PAM: variants seen among roughly 807,000 people sequenced by gnomAD.
PAM encodes the protein peptidylglycine alpha-amidating monooxygenase, also known as peptidyl-glycine alpha-amidating monooxygenase.
In PAM, 72 loss-of-function variants were observed where a neutral mutation model predicts 122.1. The ratio of observed to expected loss-of-function variants is 0.59; its 90% CI spans 0.49 to 0.72. PAM has a LOEUF of 0.72. Ranked by LOEUF, PAM falls within the 30% of genes least tolerant of loss-of-function variation. PAM has a pLI of 0.00. For missense variants in PAM, 1,106 were observed against 1,183.7 expected (o/e 0.93, Z 0.96); for synonymous variants, 389 against 404.4 (o/e 0.96, Z 0.46).
intron 3 of PAM, among the ~76,000 whole-genome samples, chr5:102,897,553 A>C (rs1407042403): frequency 6.6e-6 from 1 of 151,662 alleles, no homozygotes; most frequent in Non-Finnish European, 1.5e-5. Context: ...TGACTTAGAA[A>C]AGTTACCAGA....
intron 1 of PAM, among the ~76,000 whole-genome samples, chr5:102,847,491 T>A (rs1780242762): frequency 6.6e-6 from 1 of 152,292 alleles, no homozygotes; most frequent in Non-Finnish European, 1.5e-5. Context: ...TGAGTGGGCA[T>A]GGTTTCACTG....
chr5:102,915,738 A>G (rs893607027), intron 5 of PAM, among the ~76,000 whole-genome samples: 12 of 152,284 alleles, frequency 7.9e-5, no homozygotes, highest in Admixed American at 5.2e-4. Context: ...CCTTGGTTTA[A>G]GGGAATGAGT....
rs754559996 is a variant in PAM, at chr5:102,942,736, A to ATTTTTTTTT, written c.527-4094_527-4086dup. The stretch of plus-strand genomic sequence containing the variant: ...AGTCACACGCCAGCATGCCCGGCTA[A>ATTTTTTTTT]TTTTTTTTTTTTTTTGTAGAAATGC... On this transcript the variant is annotated intron_variant, in intron 7 of 25. Coordinates refer to ENST00000438793, the MANE Select transcript of PAM (RefSeq NM_001177306.2). 2.4e-4 allele frequency among the ~76,000 whole-genome samples: 33 copies of ATTTTTTTTT among 138,454 alleles called. 1 individual carries two copies. Among genetic ancestry groups the ATTTTTTTTT allele is most frequent in the East Asian group, 6.4e-4 (3 of 4,678 alleles). 90.8% of individuals were successfully genotyped at this position (138,454 alleles called of 152,430 possible). A position where few individuals can be genotyped will look rare whatever the true frequency, so the allele number is the denominator to read the frequency against.
chr5:102,823,373 T>A (rs968488559), intron 1 of PAM, among the ~76,000 whole-genome samples: 2 of 152,096 alleles, frequency 1.3e-5, no homozygotes. Flanking sequence ...TTTAAAAAAA[T>A]AAGTAAAAAT....
chr5:102,866,948 GAT>G (rs745955091), intron 2 of PAM, among the ~76,000 whole-genome samples: 7 of 152,026 alleles, frequency 4.6e-5, no homozygotes, highest in Non-Finnish European at 7.4e-5. Context: ...ACTTGAAACA[GAT>G]ATATGTTTTG....
At chr5:102,855,236 A>G (rs1410023432) in intron 1 of PAM, among the ~76,000 whole-genome samples, 5 of 152,180 alleles carry the variant, frequency 3.3e-5, no homozygotes, top group Non-Finnish European at 5.9e-5. Context: ...ACATTCTTTG[A>G]TGATCTTTAA....
At chr5:102,831,367 G>T (rs1186865714) in intron 1 of PAM, among the ~76,000 whole-genome samples, 1 of 151,848 alleles carries the variant, frequency 6.6e-6, no homozygotes, top group Non-Finnish European at 1.5e-5. Context: ...AAAGATGTGT[G>T]AAAGAGAAAT....
rs1751681133 is a variant in PAM at position 102,759,469 on chromosome 5, T to G, written c.-374+4121T>G. ...AATCCAAGCTGTCTAAAGGGAAAAG[T>G]AGATACTCATTTCAGCCAAGTATTG... On this transcript the variant is annotated intron_variant, in intron 1 of 25. Coordinates refer to ENST00000438793, the MANE Select transcript of PAM (RefSeq NM_001177306.2). 3.3e-5 allele frequency among the ~76,000 whole-genome samples: 5 copies of G among 152,260 alleles called. No homozygotes were observed. In the South Asian group the frequency reaches 1.0e-3, roughly 32 times the overall value.
At position 102,866,231 on chromosome 5, in the gene PAM, T is replaced by A; in HGVS notation, c.36T>A (p.Leu12=). 6.2e-7 allele frequency: 1 copy of A among 1,613,878 alleles called. No individual in the cohort carries two copies. Among genetic ancestry groups the A allele is most frequent in the East Asian group, 2.2e-5 (1 of 44,864 alleles). The change falls in exon 2 of 26, where the codon CTT becomes CTA. Residue 12 remains leucine (L), a synonymous_variant. Transcript: ENST00000438793. ...AGRVPSLLVL[L]VFPSSCLAFR... is the part of the protein sequence containing the mutation. ...GCGTCCCTAGCCTGCTAGTTCTCCT[T>A]GTTTTTCCAAGCAGCTGTTTGGCTT...
At chr5:102,928,222 G>A (rs918656341) in intron 7 of PAM, among the ~76,000 whole-genome samples, 1 of 152,106 alleles carries the variant, frequency 6.6e-6, no homozygotes, top group East Asian at 1.9e-4. Flanking sequence ...TCCCCTCAGC[G>A]TTGTAAGGAC....
rs1050941571 is a variant in PAM, at chr5:102,903,469, G to A, written c.268+2056G>A. Among the ~76,000 whole-genome samples the A allele has an allele frequency of 2.0e-5, 3 of 151,546 alleles. No homozygotes were observed. The Admixed American group carries it at 2.0e-4, about 10-fold the overall frequency. On this transcript the variant is annotated intron_variant, in intron 4 of 25. Coordinates refer to ENST00000438793, the MANE Select transcript of PAM (RefSeq NM_001177306.2). The stretch of plus-strand genomic sequence containing the variant: ...TCTCGTTAATTCTTAGGACGATCCT[G>A]TATAGATAGTCTCATTTCATAGCTT...
chr5:102,762,061 T>C (rs1023343166), intron 1 of PAM, among the ~76,000 whole-genome samples: 3 of 152,220 alleles, frequency 2.0e-5, no homozygotes, highest in Non-Finnish European at 4.4e-5. Context: ...AAAACGTTAC[T>C]TTGTTAAATG....
At chr5:102,788,534 A>C (rs2149964636) in intron 1 of PAM, among the ~76,000 whole-genome samples, 1 of 152,182 alleles carries the variant, frequency 6.6e-6, no homozygotes, top group African/African-American at 2.4e-5. Context: ...TTATATTTCC[A>C]CTCACAATAG....
chr5:102,873,782 A>T (rs1788285213), intron 3 of PAM: 1 of 152,224 alleles, frequency 6.6e-6, no homozygotes, highest in Admixed American at 6.5e-5. Flanking sequence ...TCTAGAAAGA[A>T]GAATCCTGGG....
intron 1 of PAM, among the ~76,000 whole-genome samples, chr5:102,800,684 C>T (rs1463509473): frequency 3.3e-5 from 5 of 152,114 alleles, no homozygotes; most frequent in African/African-American, 1.2e-4. Context: ...GAGGGGGCTA[C>T]GCTGAGTTCT....
chr5:103,011,327 C>T (rs564106804), intron 21 of PAM, among the ~76,000 whole-genome samples: 15 of 151,854 alleles, frequency 9.9e-5, no homozygotes, highest in South Asian at 4.2e-4. Flanking sequence ...GATTAACCAC[C>T]GCCACCTAAC....
chr5:103,023,414 T>C (rs1336469316), intron 23 of PAM, among the ~76,000 whole-genome samples: 2 of 152,008 alleles, frequency 1.3e-5, no homozygotes, highest in African/African-American at 4.8e-5. Context: ...CTGTGTTTTT[T>C]ACTCCCATGA....
chr5:102,766,942 T>TG (rs1754263542), intron 1 of PAM, among the ~76,000 whole-genome samples: 1 of 133,286 alleles, frequency 7.5e-6, no homozygotes, highest in African/African-American at 2.8e-5. Flanking sequence ...TTTTTTTTTT[T>TG]TTTTTTTTTT....
At chr5:103,002,156 T>G (rs986617763) in intron 16 of PAM, among the ~76,000 whole-genome samples, 3 of 152,112 alleles carry the variant, frequency 2.0e-5, no homozygotes, top group Admixed American at 6.6e-5. Context: ...GAAGAGCTTA[T>G]CTTTGTCATT....
Sources: allele counts gnomAD v4.1 joint callset (sites outside exome capture counted in the v4.1 genomes callset), GRCh38; gene constraint gnomAD v4.1.1; transcripts MANE v1.5; gene names NCBI Gene and HGNC (gene_info 2026-07-23, HGNC 2026-07-21).